Variants in DPP10 observed in about 807,000 individuals in gnomAD.
The protein encoded by DPP10 is dipeptidyl peptidase like 10, also known as inactive dipeptidyl peptidase 10.
A neutral mutation model predicts 120.9 loss-of-function variants in DPP10; 33 were observed. The observed-to-expected ratio is 0.27, with a 90% CI of 0.21 to 0.37. DPP10 has a LOEUF of 0.37. Ranked by LOEUF, DPP10 falls within the 10% of genes least tolerant of loss-of-function variation. The pLI, the probability that DPP10 is intolerant of heterozygous loss-of-function variation, is 1.00. For missense variants in DPP10, 816 were observed against 942.8 expected (o/e 0.87, Z 1.76); for synonymous variants, 337 against 326.1 (o/e 1.03, Z -0.36).
At chr2:114,489,479 A>G (rs1003694843) in intron 1 of DPP10, among the ~76,000 whole-genome samples, 2 of 152,236 alleles carry the variant, frequency 1.3e-5, no homozygotes, top group Non-Finnish European at 2.9e-5. Context: ...ATGGAAAGGG[A>G]AAATTAAATA....
chr2:115,297,116 A>G (rs1013724885), intron 1 of DPP10, among the ~76,000 whole-genome samples: 10 of 152,076 alleles, frequency 6.6e-5, no homozygotes, highest in Non-Finnish European at 1.0e-4. Context: ...ACTGTATGCA[A>G]GTATCCCCTC....
chr2:115,063,083 T>C (rs1559049328), intron 1 of DPP10, among the ~76,000 whole-genome samples: 1 of 152,130 alleles, frequency 6.6e-6, no homozygotes. Flanking sequence ...AATCACTATT[T>C]TGACTGTTGT....
intron 3 of DPP10, among the ~76,000 whole-genome samples, chr2:115,383,085 A>G (rs986988020): frequency 6.6e-6 from 1 of 152,230 alleles, no homozygotes; most frequent in African/African-American, 2.4e-5. Context: ...ATAATGGGTT[A>G]CAGTTTTCCA....
At chr2:114,851,672 T>C (rs1205716118) in intron 1 of DPP10, among the ~76,000 whole-genome samples, 2 of 152,208 alleles carry the variant, frequency 1.3e-5, no homozygotes, top group Non-Finnish European at 2.9e-5. Flanking sequence ...AACACAGCAA[T>C]TTATACCATT....
chr2:115,110,470 C>T (rs137943848), intron 1 of DPP10, among the ~76,000 whole-genome samples: 3 of 152,216 alleles, frequency 2.0e-5, no homozygotes, highest in South Asian at 4.1e-4. Context: ...TGTATGAAAG[C>T]ACTTTGAGAA....
chr2:114,556,234 C>CAT (rs56772742), intron 1 of DPP10, among the ~76,000 whole-genome samples: 7,462 of 86,420 alleles, frequency 0.086, 393 homozygotes, highest in Non-Finnish European at 0.11. Context: ...ATAGATGATA[C>CAT]ATATATATAT....
chr2:114,518,693 T>C (rs1358290348), intron 1 of DPP10, among the ~76,000 whole-genome samples: 1 of 152,208 alleles, frequency 6.6e-6, no homozygotes, highest in African/African-American at 2.4e-5. Flanking sequence ...CCCTCGCAGA[T>C]CCATGGAGTC....
At chr2:114,594,182 G>A (rs996414071) in intron 1 of DPP10, among the ~76,000 whole-genome samples, 1 of 151,862 alleles carries the variant, frequency 6.6e-6, no homozygotes, top group African/African-American at 2.4e-5. Flanking sequence ...ATGTGAAAAG[G>A]GGAGACTGTT....
chr2:115,121,846 A>T (rs1023376756), intron 1 of DPP10, among the ~76,000 whole-genome samples: 3 of 152,162 alleles, frequency 2.0e-5, no homozygotes, highest in African/African-American at 7.2e-5. Context: ...TTTCTTGTAT[A>T]GGGGCACTGG....
intron 1 of DPP10, among the ~76,000 whole-genome samples, chr2:114,621,630 G>A (rs973071022): frequency 6.6e-6 from 1 of 151,876 alleles, no homozygotes; most frequent in Non-Finnish European, 1.5e-5. Flanking sequence ...AGTTAAAAGG[G>A]ATCTTCAAAA....
chr2:115,525,704 C>T (rs1057020564), intron 4 of DPP10, among the ~76,000 whole-genome samples, 194 bp from the exon 5 acceptor site: 9 of 151,846 alleles, frequency 5.9e-5, no homozygotes, highest in Admixed American at 5.9e-4. Context: ...ACTGAAATGT[C>T]TAATATGTCC....
intron 5 of DPP10, among the ~76,000 whole-genome samples, chr2:115,564,405 G>GAAGTCC (rs1358493164): frequency 6.6e-6 from 1 of 151,986 alleles, no homozygotes; most frequent in African/African-American, 2.4e-5. Context: ...TTTCCATTTG[G>GAAGTCC]AAGTCTATTT....
intron 5 of DPP10, among the ~76,000 whole-genome samples, chr2:115,584,857 G>C (rs879659047): frequency 6.6e-6 from 1 of 152,172 alleles, no homozygotes; most frequent in East Asian, 1.9e-4. Flanking sequence ...AATACTGGTT[G>C]CATGATCCTT....
At chr2:114,837,502 C>T (rs1038576811) in intron 1 of DPP10, among the ~76,000 whole-genome samples, 3 of 151,916 alleles carry the variant, frequency 2.0e-5, no homozygotes, top group East Asian at 1.9e-4. Flanking sequence ...TCCATGAATA[C>T]GTTTTAATTA....
intron 3 of DPP10, among the ~76,000 whole-genome samples, chr2:115,401,023 C>T (rs2068035688): frequency 6.6e-6 from 1 of 152,090 alleles, no homozygotes; most frequent in African/African-American, 2.4e-5. Context: ...GTTGGGGGAG[C>T]AATGGACCAG....
chr2:115,479,982 A>G (rs972742305), intron 3 of DPP10, among the ~76,000 whole-genome samples: 1 of 152,140 alleles, frequency 6.6e-6, no homozygotes, highest in Non-Finnish European at 1.5e-5. Context: ...CTAATAGAAC[A>G]AATTCTGATA....
chr2:115,533,959 C>T (rs1474703880), intron 5 of DPP10, among the ~76,000 whole-genome samples: 1 of 151,756 alleles, frequency 6.6e-6, no homozygotes, highest in African/African-American at 2.4e-5. Flanking sequence ...TGAAAAGTCC[C>T]TAGGAGGTGG....
chr2:115,673,430 TATTG>T (rs1484845417), intron 5 of DPP10, among the ~76,000 whole-genome samples: 7 of 152,198 alleles, frequency 4.6e-5, no homozygotes, highest in African/African-American at 1.7e-4. Context: ...AGTATTATAA[TATTG>T]AATGCAATTG....
chr2:115,774,201 A>AACACACACACACAC (rs1336467765), intron 13 of DPP10, among the ~76,000 whole-genome samples: 5 of 76,674 alleles, frequency 6.5e-5, no homozygotes, highest in African/African-American at 2.2e-4. Flanking sequence ...TTGTCTTTAA[A>AACACACACACACAC]ACACACATAC....
Sources: gnomAD v4.1 joint callset for allele counts (sites outside exome capture counted in the v4.1 genomes callset) on GRCh38, gnomAD v4.1.1 for gene constraint, MANE v1.5 for transcripts, NCBI Gene and HGNC (gene_info 2026-07-23, HGNC 2026-07-21) for gene names.